Variants in ZDBF2 observed in about 807,000 individuals in gnomAD.
ZDBF2 encodes zinc finger DBF-type containing 2.
In ZDBF2, 6 loss-of-function variants were observed where a neutral mutation model predicts 9.4. The observed-to-expected ratio is 0.64, with a 90% CI of 0.35 to 1.27. ZDBF2 has a LOEUF of 1.27. Ranked by LOEUF, ZDBF2 falls within the 50% of genes most tolerant of loss-of-function variation. The pLI is 0.03. For missense variants in ZDBF2, 2,697 were observed against 2,766.8 expected (o/e 0.97, Z 0.57); for synonymous variants, 905 against 946.3 (o/e 0.96, Z 0.80).
At chr2:206,278,781 G>A (rs1252937244) in intron 1 of ZDBF2, among the ~76,000 whole-genome samples, 1 of 152,206 alleles carries the variant, frequency 6.6e-6, no homozygotes, top group East Asian at 1.9e-4. Flanking sequence ...AGCTAAAACT[G>A]AACTTTGCGT....
intron 1 of ZDBF2, among the ~76,000 whole-genome samples, chr2:206,276,985 T>C (rs1691045346): frequency 6.6e-6 from 1 of 152,180 alleles, no homozygotes; most frequent in Non-Finnish European, 1.5e-5. Flanking sequence ...TTTTATGCAT[T>C]CGGCCATTGT....
At position 206,297,380 on chromosome 2, in the gene ZDBF2, T is replaced by A; in HGVS notation, c.188+7T>A. 1.9e-6 allele frequency: 3 copies of A among 1,610,202 alleles called. No homozygotes were observed. Among genetic ancestry groups the A allele is most frequent in the Middle Eastern group, 3.3e-4 (2 of 6,048 alleles). On this transcript the variant is annotated splice_region_variant and intron_variant, in intron 4 of 4. Transcript: ENST00000374423. ...ATCATTGTCAAGAGAGCAGGTAAAG[T>A]AGTTGATTGGAATAATATTTATACG... is the stretch of plus-strand genomic sequence containing the variant.
intron 2 of ZDBF2, among the ~76,000 whole-genome samples, chr2:206,280,036 C>T (rs911758931): frequency 1.3e-5 from 2 of 152,166 alleles, no homozygotes; most frequent in South Asian, 2.1e-4. Context: ...AACTCCTAAC[C>T]GCAGGCGATC....
At position 206,311,579 on chromosome 2, in the gene ZDBF2, A is replaced by C; in HGVS notation, c.7051A>C (p.Asn2351His). The C allele has an allele frequency of 6.7e-7, 1 of 1,502,172 alleles. No individual in the cohort carries two copies. The highest frequency in any genetic ancestry group is 8.9e-7 in the Non-Finnish European group (1 of 1,127,250). 93.1% of individuals were successfully genotyped at this position (1,502,172 alleles called of 1,614,324 possible). Reference sequence around the variant, plus strand: ...TCGGCTAGCAAACAAACTGAGAGGTAATGAGGTAAAATAGAAGTTGGTTTT... The same window carrying C: ...TCGGCTAGCAAACAAACTGAGAGGTCATGAGGTAAAATAGAAGTTGGTTTT... ...MTRLANKLRG[N>H]EVK The change falls in exon 5 of 5, where the codon AAT (asparagine) becomes CAT (histidine). Residue 2351 changes from asparagine (N) to histidine (H), a missense_variant. Around this residue, in one of 3 missense-constraint regions of ZDBF2, gnomAD observed 1,783 missense variants for 1,776.5 expected, o/e 1.00. Transcript: ENST00000374423.
At chr2:206,296,610 G>C (rs566983248) in intron 3 of ZDBF2, among the ~76,000 whole-genome samples, 2 of 152,118 alleles carry the variant, frequency 1.3e-5, no homozygotes, top group African/African-American at 4.8e-5. Flanking sequence ...AATTCCCTGC[G>C]GATAATAGGG....
At chr2:206,302,709 A>G (rs962457602) in intron 4 of ZDBF2, among the ~76,000 whole-genome samples, 1 of 152,178 alleles carries the variant, frequency 6.6e-6, no homozygotes. Flanking sequence ...TTTTTGCTGC[A>G]TCACAATACT....
Position 206,306,685 on chromosome 2 carries a change from T to G in ZDBF2, c.2157T>G (p.His719Gln), listed in dbSNP as rs1692820492. Residue 719 changes from histidine (H) to glutamine (Q), a missense_variant, in exon 5 of 5, where the codon CAT becomes CAG. His to Gln is a conservative substitution (Grantham distance 24, BLOSUM62 0). Transcript: ENST00000374423. ...CGGCTTCTCTTTATCATTCAGCTCA[T>G]GATGAGCCTCAAGAAGCTTTGGATG... Reference protein sequence around the residue: ...DSPASLYHSAHDEPQEALDEV... With the variant: ...DSPASLYHSAQDEPQEALDEV... 1 of 1,613,746 alleles carries G rather than the reference T, an allele frequency of 6.2e-7. No homozygotes were observed. The highest frequency in any genetic ancestry group is 8.5e-7 in the Non-Finnish European group (1 of 1,179,798).
intron 4 of ZDBF2, among the ~76,000 whole-genome samples, chr2:206,297,742 C>T (rs1262607623): frequency 2.0e-5 from 3 of 152,212 alleles, no homozygotes; most frequent in East Asian, 1.9e-4. Flanking sequence ...AGCAATGGCA[C>T]GATCTCAGCT....
intron 4 of ZDBF2, among the ~76,000 whole-genome samples, chr2:206,300,720 C>G (rs927842861): frequency 1.3e-5 from 2 of 152,066 alleles, no homozygotes; most frequent in African/African-American, 4.8e-5. Context: ...TTACTTTTGC[C>G]CACTGATTTT....
chr2:206,277,615 A>G (rs947687713), intron 1 of ZDBF2, among the ~76,000 whole-genome samples: 5 of 151,858 alleles, frequency 3.3e-5, no homozygotes, highest in African/African-American at 1.2e-4. Context: ...CTGCTCTCAG[A>G]TTTGAAACTG....
At position 206,310,324 on chromosome 2, in the gene ZDBF2, T is replaced by G. The variant is rs376765774; in HGVS notation, c.5796T>G (p.Arg1932=). The change falls in exon 5 of 5, where the codon CGT becomes CGG. Residue 1932 remains arginine (R), a synonymous_variant. Coordinates refer to ENST00000374423, the MANE Select transcript of ZDBF2 (RefSeq NM_020923.3). Reference sequence around the variant, plus strand: ...AGAGGCCTCCTAAGCAAAAGGGGCGTGTGGCTTCTCAATGCCAGACAGCGA... The same window carrying G: ...AGAGGCCTCCTAAGCAAAAGGGGCGGGTGGCTTCTCAATGCCAGACAGCGA... The part of the protein sequence containing the change: ...PAERPPKQKG[R]VASQCQTAKI... 3.1e-6 allele frequency: 5 copies of G among 1,613,792 alleles called. No individual in the cohort carries two copies. The highest frequency in any genetic ancestry group is 4.2e-6 in the Non-Finnish European group (5 of 1,179,892).
At chr2:206,286,737 C>T (rs182741227) in intron 3 of ZDBF2, among the ~76,000 whole-genome samples, 52 of 152,106 alleles carry the variant, frequency 3.4e-4, no homozygotes, top group African/African-American at 9.2e-4. Flanking sequence ...TTCTTGTAGG[C>T]GGTGTATTGT....
Position 206,306,803 on chromosome 2 carries a change from C to T in ZDBF2, c.2275C>T (p.Leu759=), listed in dbSNP as rs1417990116. 4 of 1,613,758 alleles carry T rather than the reference C, an allele frequency of 2.5e-6. No homozygotes were observed. The highest frequency in any genetic ancestry group is 1.7e-5 in the Admixed American group (1 of 59,996). Reference sequence around the variant, plus strand: ...GACTTTTGATTCTGACCCGCCTCTTCTGTCAGTTACTGAGCAGTCTCATCT... The same window carrying T: ...GACTTTTGATTCTGACCCGCCTCTTTTGTCAGTTACTGAGCAGTCTCATCT... The part of the protein sequence containing the change: ...ELTFDSDPPL[L]SVTEQSHLDA... The change falls in exon 5 of 5, where the codon CTG becomes TTG. Residue 759 remains leucine (L), a synonymous_variant. Coordinates refer to ENST00000374423, the MANE Select transcript of ZDBF2 (RefSeq NM_020923.3).
rs1285733096 is a variant in ZDBF2 at position 206,308,244 on chromosome 2, A to G, written c.3716A>G (p.Lys1239Arg). The G allele has an allele frequency of 6.2e-7, 1 of 1,613,888 alleles. No homozygotes were observed. The highest frequency in any genetic ancestry group is 2.2e-5 in the East Asian group (1 of 44,886). Residue 1239 changes from lysine (K) to arginine (R), a missense_variant, in exon 5 of 5, where the codon AAG becomes AGG. This residue lies in a region of ZDBF2 where 1,783 missense variants were observed against 1,776.5 expected (regional missense o/e 1.00). Coordinates refer to ENST00000374423, the MANE Select transcript of ZDBF2 (RefSeq NM_020923.3). Reference protein sequence around the residue: ...VDTEDRRNEAKGFEIMYDSDV... With the variant: ...VDTEDRRNEARGFEIMYDSDV... ...ACGGAAGATAGGAGAAATGAAGCTA[A>G]GGGTTTTGAAATTATGTATGATTCT... is the stretch of plus-strand genomic sequence containing the variant.
At chr2:206,276,662 A>T (rs1355576399) in intron 1 of ZDBF2, among the ~76,000 whole-genome samples, 1 of 152,236 alleles carries the variant, frequency 6.6e-6, no homozygotes, top group African/African-American at 2.4e-5. Flanking sequence ...TTGGTGTGAG[A>T]CCTGCAACAA....
At chr2:206,278,143 T>C (rs1313464173) in intron 1 of ZDBF2, among the ~76,000 whole-genome samples, 1 of 152,172 alleles carries the variant, frequency 6.6e-6, no homozygotes, top group African/African-American at 2.4e-5. Flanking sequence ...CGATACATGT[T>C]AATGGTGGGT....
chr2:206,278,109 A>G (rs543452263), intron 1 of ZDBF2, among the ~76,000 whole-genome samples: 1 of 152,288 alleles, frequency 6.6e-6, no homozygotes, highest in African/African-American at 2.4e-5. Context: ...TTTTGTAAAA[A>G]TATGTTTAGA....
Position 206,308,335 on chromosome 2 carries a change from G to A in ZDBF2, c.3807G>A (p.Glu1269=). 2 of 1,613,258 alleles carry A rather than the reference G, an allele frequency of 1.2e-6. No individual in the cohort carries two copies. Among genetic ancestry groups the A allele is most frequent in the South Asian group, 2.2e-5 (2 of 90,892 alleles). ...EVVKEVSLWK[E]HVDLENKIVK... ...TTAAGGAGGTCAGTCTTTGGAAAGA[G>A]CATGTTGACTTGGAAAATAAGATTG... The change falls in exon 5 of 5, where the codon GAG becomes GAA. Residue 1269 remains glutamate, a synonymous_variant. Transcript: ENST00000374423.
In ZDBF2 at chr2:206,306,762, G is replaced by A; in HGVS notation, c.2234G>A (p.Cys745Tyr). 1 of 1,613,820 alleles carries A rather than the reference G, an allele frequency of 6.2e-7. No homozygotes were observed. The highest frequency in any genetic ancestry group is 8.5e-7 in the Non-Finnish European group (1 of 1,179,778). ...NIDMEVRSYD[C>Y]SSSELTFDSD... is the part of the protein sequence containing the mutation. ...GACATGGAAGTTAGGAGCTATGATT[G>A]CTCCAGCTCTGAGTTGACTTTTGAT... The change falls in exon 5 of 5, where the codon TGC (cysteine) becomes TAC (tyrosine). Residue 745 changes from cysteine (C) to tyrosine (Y), a missense_variant. Transcript: ENST00000374423.
Sources: allele counts gnomAD v4.1 joint callset (sites outside exome capture counted in the v4.1 genomes callset), GRCh38; gene constraint gnomAD v4.1.1; regional missense constraint gnomAD v4.1.1; transcripts MANE v1.5; gene names NCBI Gene and HGNC (gene_info 2026-07-23, HGNC 2026-07-21).